The following COPG2 variants were observed in gnomAD, a reference collection of about 807,000 sequenced individuals.
COPG2 encodes coatomer subunit gamma-2.
Under a neutral mutation model 46.3 loss-of-function variants are expected in COPG2, and 37 were observed. That is an observed-to-expected ratio of 0.80 (90% CI 0.61 to 1.05). The LOEUF (loss-of-function observed/expected upper bound fraction) is 1.05, where lower values mean the gene tolerates loss of function less well. Ranked by LOEUF, COPG2 falls within the 50% of genes least tolerant of loss-of-function variation. The pLI, the probability that COPG2 is intolerant of heterozygous loss-of-function variation, is 0.00. For missense variants in COPG2, 427 were observed against 387.8 expected (o/e 1.10, Z -0.85); for synonymous variants, 159 against 129.7 (o/e 1.23, Z -1.53).
intron 5 of COPG2, among the ~76,000 whole-genome samples, chr7:130,632,424 A>G (rs1413847049): frequency 5.9e-5 from 9 of 152,188 alleles, no homozygotes; most frequent in African/African-American, 2.2e-4. Flanking sequence ...CTGAGAGCAG[A>G]GTCCTTTGAA....
chr7:130,654,639 AG>A (rs1554459613), intron 4 of COPG2, among the ~76,000 whole-genome samples: 1 of 152,214 alleles, frequency 6.6e-6, no homozygotes, highest in Non-Finnish European at 1.5e-5. Flanking sequence ...ATTTCCCATG[AG>A]TAGGGAAAAC....
At chr7:130,631,402 C>T (rs141744704) in intron 5 of COPG2, among the ~76,000 whole-genome samples, 6,070 of 152,192 alleles carry the variant, frequency 0.04, 239 homozygotes, top group Non-Finnish European at 0.057. Flanking sequence ...AGGCGATCCA[C>T]CTGCCTCGGT....
rs558160106 is a variant in COPG2 at position 130,589,434 on chromosome 7, C to T, written c.737+21519G>A. ...AAGTAGCTGGTACTATAGGTGCTCA[C>T]CACCACACCTGGCTAACTTAAAAAA... is the stretch of plus-strand genomic sequence containing the variant. On this transcript the variant is annotated intron_variant, in intron 9 of 23. Transcript: ENST00000425248. 2.6e-5 allele frequency among the ~76,000 whole-genome samples: 4 copies of T among 152,080 alleles called. No homozygotes were observed. In the East Asian group the frequency reaches 7.7e-4, roughly 29 times the overall value.
At chr7:130,657,121 T>C (rs991663203) in intron 4 of COPG2, among the ~76,000 whole-genome samples, 31 of 151,998 alleles carry the variant, frequency 2.0e-4, no homozygotes, top group Admixed American at 6.5e-5. Flanking sequence ...TTTAAACCTA[T>C]AGTTAATCAA....
intron 20 of COPG2, among the ~76,000 whole-genome samples, chr7:130,529,349 C>A (rs931400266): frequency 0.43 from 64,740 of 151,876 alleles, 16,746 homozygotes; most frequent in East Asian, 0.59. Context: ...TGCAGTACAT[C>A]TTAACTAGAA....
rs1796098619 is a variant in COPG2, at chr7:130,667,040, T to C, written c.91-111A>G. ...TAATCACGGTATCCAAAGAACATTG[T>C]CTATAGTTCTCAATTTACTAAGGTA... On this transcript the variant is annotated intron_variant, in intron 2 of 23. Transcript: ENST00000425248. 4.9e-6 allele frequency: 3 copies of C among 612,766 alleles called. No individual in the cohort carries two copies. In the South Asian group the frequency reaches 6.6e-5, roughly 14 times the overall value. 38.0% of individuals were successfully genotyped at this position (612,766 alleles called of 1,614,324 possible).
chr7:130,600,517 C>T (rs1794616086), intron 9 of COPG2, among the ~76,000 whole-genome samples: 1 of 152,136 alleles, frequency 6.6e-6, no homozygotes, highest in African/African-American at 2.4e-5. Flanking sequence ...CTCACCTTGG[C>T]CTCCCAAAGT....
intron 9 of COPG2, among the ~76,000 whole-genome samples, chr7:130,579,498 A>G (rs1472812977): frequency 2.6e-5 from 4 of 151,308 alleles, no homozygotes; most frequent in African/African-American, 9.7e-5. Context: ...ACACATAACA[A>G]TATTAACTTT....
chr7:130,603,774 A>G (rs549758809), intron 9 of COPG2: 2 of 507,564 alleles, frequency 3.9e-6, no homozygotes, highest in African/African-American at 3.9e-5. Context: ...TAACAGTACT[A>G]TAGGCATCTT....
intron 9 of COPG2, chr7:130,603,036 A>G (rs1277103585): frequency 6.6e-6 from 1 of 152,226 alleles, no homozygotes; most frequent in African/African-American, 2.4e-5. Flanking sequence ...ACCCCAAATA[A>G]GAACCATCCA....
chr7:130,648,558 C>A (rs574654286), intron 5 of COPG2, among the ~76,000 whole-genome samples: 15 of 152,272 alleles, frequency 9.9e-5, no homozygotes, highest in African/African-American at 3.1e-4. Flanking sequence ...TTCGGACCTA[C>A]GGAATTAGAA....
At chr7:130,541,582 G>A (rs1205356124) in intron 20 of COPG2, among the ~76,000 whole-genome samples, 2 of 152,116 alleles carry the variant, frequency 1.3e-5, no homozygotes, top group African/African-American at 4.8e-5. Flanking sequence ...TTGCTATGGT[G>A]ATAGGAACAA....
chr7:130,536,390 G>A (rs958623256), intron 20 of COPG2, among the ~76,000 whole-genome samples: 3 of 152,160 alleles, frequency 2.0e-5, no homozygotes, highest in African/African-American at 7.2e-5. Context: ...GGTTTCACCC[G>A]AGGGAGGGCT....
At chr7:130,536,874 C>T (rs938377921) in intron 20 of COPG2, among the ~76,000 whole-genome samples, 8,633 of 151,962 alleles carry the variant, frequency 0.057, 482 homozygotes, top group African/African-American at 0.14. Context: ...GTGGGCTGTG[C>T]GGGTGAGAGC....
intron 20 of COPG2, among the ~76,000 whole-genome samples, chr7:130,510,470 G>T (rs1554440883): frequency 6.6e-6 from 1 of 152,170 alleles, no homozygotes; most frequent in Non-Finnish European, 1.5e-5. Context: ...GATCAAGTTA[G>T]AATGAAGAGT....
At chr7:130,600,643 T>A (rs1328038669) in intron 9 of COPG2, among the ~76,000 whole-genome samples, 2 of 152,202 alleles carry the variant, frequency 1.3e-5, no homozygotes, top group African/African-American at 4.8e-5. Context: ...TTTTTATGTG[T>A]GTGAGTGTAT....
rs1037807520 is a variant in COPG2, at chr7:130,517,575, G to A, written c.2150-8916C>T. 3.3e-5 allele frequency among the ~76,000 whole-genome samples: 5 copies of A among 152,250 alleles called. No homozygotes were observed. In the South Asian group the frequency reaches 6.2e-4, roughly 19 times the overall value. ...ACTGCTAGCAACCTTTAAATACATC[G>A]GTATTGACCATTTAGGGAGGGTGGG... On this transcript the variant is annotated intron_variant, in intron 20 of 23. Transcript: ENST00000425248.
chr7:130,639,091 G>A (rs560946073), intron 5 of COPG2, among the ~76,000 whole-genome samples: 23 of 152,232 alleles, frequency 1.5e-4, no homozygotes, highest in African/African-American at 3.1e-4. Flanking sequence ...GAGAAGAGCC[G>A]GGTACCTCGG....
chr7:130,661,755 GT>G (rs1795985333), intron 4 of COPG2, among the ~76,000 whole-genome samples: 1 of 152,160 alleles, frequency 6.6e-6, no homozygotes, highest in Non-Finnish European at 1.5e-5. Flanking sequence ...TGTATAATGG[GT>G]TAATTAGTTG....
Sources: allele counts gnomAD v4.1 joint callset (sites outside exome capture counted in the v4.1 genomes callset), GRCh38; gene constraint gnomAD v4.1.1; transcripts MANE v1.5; gene names NCBI Gene and HGNC (gene_info 2026-07-23, HGNC 2026-07-21).